The following NPSR1 variants were observed in gnomAD, a reference collection of about 807,000 sequenced individuals.
The protein encoded by NPSR1 is neuropeptide S receptor.
NPSR1 carries 48 observed loss-of-function variants against 46.9 expected under a neutral mutation model. That is an observed-to-expected ratio of 1.02 (90% CI 0.81 to 1.30). NPSR1 has a LOEUF of 1.30. NPSR1 is among the 50% of genes most tolerant of loss of function. The pLI, the probability that NPSR1 is intolerant of heterozygous loss-of-function variation, is 0.00. For synonymous variants in NPSR1, 176 were observed against 168.1 expected, an observed-to-expected ratio of 1.05 and a Z score of -0.36; for missense variants, 450 against 449.5, an observed-to-expected ratio of 1.00 and a Z score of -0.01.
At chr7:34,827,651 G>GGGGGGGGGGGGGCC in intron 5 of NPSR1, 49 bp downstream of exon 5, 1 of 613,368 alleles carries the variant, frequency 1.6e-6, no homozygotes, top group Non-Finnish European at 2.9e-6. Flanking sequence ...GGCGGGGGGG[G>GGGGGGGGGGGGGCC]CTTTCCTGTT....
At chr7:34,780,428 C>G (rs1787179499) in intron 3 of NPSR1, among the ~76,000 whole-genome samples, 1 of 152,028 alleles carries the variant, frequency 6.6e-6, no homozygotes, top group Non-Finnish European at 1.5e-5. Context: ...TAAAATATAT[C>G]TTTTGACATA....
intron 3 of NPSR1, among the ~76,000 whole-genome samples, chr7:34,786,400 C>T (rs1452094302): frequency 1.3e-5 from 2 of 152,160 alleles, no homozygotes; most frequent in Admixed American, 6.6e-5. Context: ...CCACCACTTT[C>T]GCAGTACCTT....
At chr7:34,792,884 A>AAAAC (rs138795664) in intron 3 of NPSR1, among the ~76,000 whole-genome samples, 38,995 of 145,660 alleles carry the variant, frequency 0.27, 5,413 homozygotes, top group African/African-American at 0.32. Context: ...ACCCTGTCTC[A>AAAAC]AAACAAACAA....
chr7:34,857,607 T>C (rs1791078849), intron 8 of NPSR1, among the ~76,000 whole-genome samples: 1 of 151,698 alleles, frequency 6.6e-6, no homozygotes, highest in Non-Finnish European at 1.5e-5. Flanking sequence ...TCCAGGTGGA[T>C]TATAGACCTA....
intron 3 of NPSR1, among the ~76,000 whole-genome samples, chr7:34,809,673 C>T (rs962573955): frequency 3.3e-5 from 5 of 151,978 alleles, no homozygotes; most frequent in African/African-American, 9.7e-5. Flanking sequence ...CCGTTTTAGC[C>T]GGGATGGTCT....
intron 3 of NPSR1, among the ~76,000 whole-genome samples, chr7:34,805,011 C>CA (rs1788623906): frequency 6.7e-6 from 1 of 150,180 alleles, no homozygotes; most frequent in Non-Finnish European, 1.5e-5. Context: ...AAGACGACTA[C>CA]AAAACTGATG....
chr7:34,680,367 A>G (rs1004162129), intron 1 of NPSR1, among the ~76,000 whole-genome samples: 2 of 152,198 alleles, frequency 1.3e-5, no homozygotes, highest in African/African-American at 4.8e-5. Context: ...GAGAAATACA[A>G]TGGTGTAAAT....
At position 34,822,308 on chromosome 7, in the gene NPSR1, C is replaced by T. The variant is rs923745570; in HGVS notation, c.479-5093C>T. Reference sequence around the variant, plus strand: ...AAAGCCGTAGAAAGAAGAGATTCCCCGAGAGTGGCAGGGCTCTCTGGGAGA... The same window carrying T: ...AAAGCCGTAGAAAGAAGAGATTCCCTGAGAGTGGCAGGGCTCTCTGGGAGA... On this transcript the variant is annotated intron_variant, in intron 4 of 8. Transcript: ENST00000360581. Among the ~76,000 whole-genome samples, 16 of 152,094 alleles carry T rather than the reference C, an allele frequency of 1.1e-4. No individual in the cohort carries two copies. The East Asian group carries it at 2.1e-3, about 20-fold the overall frequency.
intron 4 of NPSR1, among the ~76,000 whole-genome samples, chr7:34,821,157 CAG>C (rs1215133083): frequency 8.3e-5 from 9 of 108,528 alleles, no homozygotes; most frequent in African/African-American, 3.2e-4. Flanking sequence ...TTTTTTTAGA[CAG>C]AGTCTCACTC....
chr7:34,791,895 T>C lies in NPSR1; in HGVS notation c.384+13330T>C, dbSNP rs142789469. On this transcript the variant is annotated intron_variant, in intron 3 of 8. Transcript: ENST00000360581. ...AATAAAGAAGCCAGAAATAAATCCA[T>C]GTATGTATGGTCCACTGATCTTCAA... Among the ~76,000 whole-genome samples the C allele has an allele frequency of 6.0e-4, 91 of 152,190 alleles. 3 individuals are homozygous for C. The East Asian group carries it at 0.017, about 29-fold the overall frequency.
chr7:34,753,849 ATAAGT>A (rs1447971197), intron 2 of NPSR1: 2 of 152,214 alleles, frequency 1.3e-5, no homozygotes, highest in Non-Finnish European at 2.9e-5. Flanking sequence ...AAAAATAAAA[ATAAGT>A]TAAACATAAA....
At chr7:34,832,220 T>G (rs1174998965) in intron 5 of NPSR1, among the ~76,000 whole-genome samples, 2 of 152,164 alleles carry the variant, frequency 1.3e-5, no homozygotes, top group Admixed American at 6.5e-5. Context: ...GCAATCTGAT[T>G]GATCAGATAA....
chr7:34,859,121 A>G (rs1408368697), intron 8 of NPSR1, among the ~76,000 whole-genome samples: 3 of 151,710 alleles, frequency 2.0e-5, no homozygotes, highest in Admixed American at 2.0e-4. Flanking sequence ...TACAGAAAAC[A>G]GCAGAGACAG....
At chr7:34,661,379 G>A (rs912097278) in intron 1 of NPSR1, among the ~76,000 whole-genome samples, 1 of 152,146 alleles carries the variant, frequency 6.6e-6, no homozygotes, top group Non-Finnish European at 1.5e-5. Context: ...CAGCCCTGGG[G>A]AATCCATCTC....
At position 34,811,797 on chromosome 7, in the gene NPSR1, G is replaced by A. The variant is rs376690361; in HGVS notation, c.412G>A (p.Val138Ile). ...TGTGCTGCTCTACGCCTCTACCTAC[G>A]TCCTGGTGTCCCTCAGCATAGACAG... The part of the protein sequence containing the change: ...QVVLLYASTY[V>I]LVSLSIDRYH... Residue 138 changes from valine (V) to isoleucine (I), a missense_variant, in exon 4 of 9, where the codon GTC becomes ATC. Coordinates refer to ENST00000360581, the MANE Select transcript of NPSR1 (RefSeq NM_207172.2). 71 of 1,613,034 alleles carry A rather than the reference G, an allele frequency of 4.4e-5. 1 individual carries two copies. The Middle Eastern group carries it at 5.0e-4, about 11-fold the overall frequency.
intron 3 of NPSR1, among the ~76,000 whole-genome samples, chr7:34,811,189 A>G (rs1450831967): frequency 3.3e-5 from 5 of 152,136 alleles, no homozygotes; most frequent in Non-Finnish European, 7.4e-5. Flanking sequence ...GAGTCAGGTC[A>G]CACACAGACT....
Position 34,873,654 on chromosome 7 carries a change from A to C in NPSR1, c.1026-4422A>C, listed in dbSNP as rs185448320. On this transcript the variant is annotated intron_variant, in intron 8 of 8. Transcript: ENST00000359791. ...TACCAGAGCAAGAACTCACTCTTCA[A>C]CAAGCAGATAGGGCTAAGCCATTCA... 2.8e-3 allele frequency among the ~76,000 whole-genome samples: 424 copies of C among 151,742 alleles called. 7 individuals carry two copies. The highest frequency in any genetic ancestry group is 7.9e-4 in the Non-Finnish European group (54 of 68,034).
rs1562635955 is a variant in NPSR1 at position 34,664,619 on chromosome 7, A to ATTTT, written c.147+6060_147+6061insTTTT. Among the ~76,000 whole-genome samples the ATTTT allele has an allele frequency of 4.0e-3, 411 of 103,242 alleles. 2 individuals are homozygous for ATTTT. Among genetic ancestry groups the ATTTT allele is most frequent in the African/African-American group, 0.023 (383 of 16,544 alleles). 67.7% of individuals were successfully genotyped at this position (103,242 alleles called of 152,430 possible). A position where few individuals can be genotyped will look rare whatever the true frequency, so the allele number is the denominator to read the frequency against. On this transcript the variant is annotated intron_variant, in intron 1 of 8. Transcript: ENST00000360581. ...AAGCTGTTTCTTTTCTTTTTTTTAAAAAAAAAAAATGAGACCATGAAAATG... is the reference window on the plus strand; with the variant it reads ...AAGCTGTTTCTTTTCTTTTTTTTAAATTTTAAAAAAAAATGAGACCATGAAAATG...
At chr7:34,719,467 A>ATC (rs1783742644) in intron 2 of NPSR1, 1 of 152,242 alleles carries the variant, frequency 6.6e-6, no homozygotes, top group African/African-American at 2.4e-5. Context: ...GTGAAGGAGC[A>ATC]GGTGACCTAG....
Sources: gnomAD v4.1 joint callset for allele counts (sites outside exome capture counted in the v4.1 genomes callset) on GRCh38, gnomAD v4.1.1 for gene constraint, MANE v1.5 for transcripts, NCBI Gene and HGNC (gene_info 2026-07-23, HGNC 2026-07-21) for gene names.